Variants in MARCHF2 observed in about 807,000 individuals in gnomAD.
MARCHF2 encodes E3 ubiquitin-protein ligase MARCHF2.
MARCHF2 carries 22 observed loss-of-function variants against 24.0 expected under a neutral mutation model. That is an observed-to-expected ratio of 0.92 (90% CI 0.66 to 1.31). The LOEUF (loss-of-function observed/expected upper bound fraction) is 1.31, where lower values mean the gene tolerates loss of function less well. Ranked by LOEUF, MARCHF2 falls within the 50% of genes most tolerant of loss-of-function variation. The pLI, the probability that MARCHF2 is intolerant of heterozygous loss-of-function variation, is 0.00. For synonymous variants in MARCHF2, 154 were observed against 153.0 expected, an observed-to-expected ratio of 1.01 and a Z score of -0.05; for missense variants, 301 against 335.3, an observed-to-expected ratio of 0.90 and a Z score of 0.80.
chr19:8,431,531 AAAAG>A (rs1341471657), intron 4 of MARCHF2, among the ~76,000 whole-genome samples: 2 of 150,818 alleles, frequency 1.3e-5, no homozygotes, highest in Admixed American at 6.6e-5. Context: ...GAAAAAAGAA[AAAAG>A]AAAGAAATTG....
intron 1 of MARCHF2, among the ~76,000 whole-genome samples, chr19:8,416,981 G>A (rs987792483): frequency 3.9e-5 from 6 of 152,132 alleles, no homozygotes; most frequent in African/African-American, 1.4e-4. Context: ...GCTTGGCATA[G>A]TGTCTGGTTC....
At chr19:8,436,477 A>G (rs1188997769) in intron 4 of MARCHF2, among the ~76,000 whole-genome samples, 1 of 151,716 alleles carries the variant, frequency 6.6e-6, no homozygotes, top group African/African-American at 2.4e-5. Context: ...CGTTGCCCTA[A>G]AAGTCCTCTG....
At chr19:8,431,002 C>A in intron 4 of MARCHF2, 135 bp downstream of exon 4, 2 of 824,440 alleles carry the variant, frequency 2.4e-6, no homozygotes, top group Non-Finnish European at 3.7e-6. Context: ...TGGAAGAGAG[C>A]TTCTGAGGTC....
At chr19:8,414,966 C>G (rs1353148564) in intron 1 of MARCHF2, among the ~76,000 whole-genome samples, 3 of 152,322 alleles carry the variant, frequency 2.0e-5, no homozygotes, top group Middle Eastern at 3.4e-3. Flanking sequence ...GAACCACTCC[C>G]TGGACTGTTT....
chr19:8,432,713 C>G (rs1361798767), intron 4 of MARCHF2, among the ~76,000 whole-genome samples: 3 of 151,944 alleles, frequency 2.0e-5, no homozygotes, highest in African/African-American at 7.3e-5. Flanking sequence ...ATCACTTGAG[C>G]CCAAGAATTT....
In MARCHF2 at chr19:8,430,576, T is replaced by A. The variant is rs764429730; in HGVS notation, c.373-82T>A. 301 of 1,083,166 alleles carry A rather than the reference T, an allele frequency of 2.8e-4. No individual in the cohort carries two copies. The highest frequency in any genetic ancestry group is 3.9e-4 in the Non-Finnish European group (282 of 727,166). 67.1% of individuals were successfully genotyped at this position (1,083,166 alleles called of 1,614,324 possible). ...AAGAAGGAAAGGACAGAGGGAGGCCTAGGCCTGGAGGTCCTTACCCCTCCC... is the reference window on the plus strand; with the variant it reads ...AAGAAGGAAAGGACAGAGGGAGGCCAAGGCCTGGAGGTCCTTACCCCTCCC... On this transcript the variant is annotated intron_variant, in intron 3 of 4. Transcript: ENST00000215555. The surrounding 1 kb of genome is among the most constrained non-coding windows in gnomAD (Gnocchi z 4.4).
intron 4 of MARCHF2, among the ~76,000 whole-genome samples, chr19:8,435,143 C>T (rs1967681410): frequency 6.6e-6 from 1 of 151,428 alleles, no homozygotes; most frequent in Non-Finnish European, 1.5e-5. Context: ...CTCAGCCTCC[C>T]GAGTAGCTGG....
rs572642432 is a variant in MARCHF2 at position 8,438,062 on chromosome 19, G to A, written c.583-326G>A. Among the ~76,000 whole-genome samples the A allele has an allele frequency of 1.3e-4, 20 of 152,196 alleles. No homozygotes were observed. In the South Asian group the frequency reaches 3.3e-3, roughly 25 times the overall value. ...ATTACAGGTGTGAGCCACCTCGCCC[G>A]GCCTGATTGATTGACATTTAATGCC... On this transcript the variant is annotated intron_variant, in intron 4 of 4. Coordinates refer to ENST00000215555, the MANE Select transcript of MARCHF2 (RefSeq NM_001005415.2).
chr19:8,433,675 C>CAAAAAAAAA (rs143853447), intron 4 of MARCHF2, among the ~76,000 whole-genome samples: 1 of 90,694 alleles, frequency 1.1e-5, no homozygotes, highest in Non-Finnish European at 2.2e-5. Flanking sequence ...GACTCCGTCT[C>CAAAAAAAAA]AAAAAAAAAA....
At chr19:8,431,497 C>CAAAAAAAAAAAAAAAAAAAAA (rs60782968) in intron 4 of MARCHF2, among the ~76,000 whole-genome samples, 1 of 57,496 alleles carries the variant, frequency 1.7e-5, no homozygotes, top group Non-Finnish European at 3.0e-5. Context: ...AACTCGATCT[C>CAAAAAAAAAAAAAAAAAAAAA]AAAAAAAAAA....
At chr19:8,426,854 A>G (rs781218049) in intron 3 of MARCHF2, 50 bp downstream of exon 3, 224 of 1,557,522 alleles carry the variant, frequency 1.4e-4, no homozygotes, top group Admixed American at 1.9e-4. Context: ...GAGGGCAGAC[A>G]TGGGGGCCAA....
intron 1 of MARCHF2, among the ~76,000 whole-genome samples, chr19:8,417,593 A>G (rs1158102296): frequency 1.3e-5 from 2 of 152,100 alleles, no homozygotes; most frequent in South Asian, 4.2e-4. Flanking sequence ...GCCCGCCACC[A>G]TGCCCAAGTA....
intron 4 of MARCHF2, among the ~76,000 whole-genome samples, chr19:8,436,982 G>A (rs942343630): frequency 4.8e-5 from 7 of 146,260 alleles, no homozygotes; most frequent in South Asian, 2.3e-4. Flanking sequence ...GAGCCACTGC[G>A]CCCAGCATTT....
intron 4 of MARCHF2, among the ~76,000 whole-genome samples, chr19:8,432,136 C>T (rs1405290130): frequency 5.3e-5 from 8 of 151,550 alleles, no homozygotes; most frequent in Non-Finnish European, 8.8e-5. Context: ...CCAGCCTGGG[C>T]GACAGAGTGA....
At chr19:8,437,788 A>G (rs933741119) in intron 4 of MARCHF2, among the ~76,000 whole-genome samples, 1 of 151,036 alleles carries the variant, frequency 6.6e-6, no homozygotes, top group Non-Finnish European at 1.5e-5. Flanking sequence ...TCTGTCGCCC[A>G]GGCTGGAGTG....
At chr19:8,436,517 T>C (rs1409588293) in intron 4 of MARCHF2, among the ~76,000 whole-genome samples, 1 of 151,972 alleles carries the variant, frequency 6.6e-6, no homozygotes, top group African/African-American at 2.4e-5. Flanking sequence ...ACCCTCCTTT[T>C]CCCCAAGCCC....
intron 1 of MARCHF2, among the ~76,000 whole-genome samples, chr19:8,416,320 G>A (rs1219577797): frequency 3.5e-4 from 49 of 138,658 alleles, no homozygotes; most frequent in African/African-American, 1.1e-3. Flanking sequence ...CAGCCTGGGC[G>A]ACAGAGCGAG....
chr19:8,415,755 A>AAAAAAAAAAAAAAAG (rs1967071398), intron 1 of MARCHF2, among the ~76,000 whole-genome samples: 1 of 120,518 alleles, frequency 8.3e-6, no homozygotes, highest in Non-Finnish European at 1.9e-5. Flanking sequence ...AAAAAAAAAA[A>AAAAAAAAAAAAAAAG]CCAGACAAAA....
At position 8,438,720 on chromosome 19, in the gene MARCHF2, A is replaced by C; in HGVS notation, c.*174A>C. On this transcript the variant is annotated 3_prime_UTR_variant, in exon 5 of 5. Transcript: ENST00000215555. ...CTAGTCTGTGATCCTGTGTGAAGAT[A>C]TTTTCAGGGTTTTTTTTTTTTTTTT... 1.9e-6 allele frequency: 1 copy of C among 527,282 alleles called. No homozygotes were observed. The highest frequency in any genetic ancestry group is 3.2e-6 in the Non-Finnish European group (1 of 312,974). The allele number at this position is 527,282 out of a possible 1,614,324, so 32.7% of individuals were successfully genotyped here.
Sources: gnomAD v4.1 joint callset for allele counts (sites outside exome capture counted in the v4.1 genomes callset) on GRCh38, gnomAD v4.1.1 for gene constraint, Gnocchi (gnomAD v3.1) non-coding constraint, MANE v1.5 for transcripts, NCBI Gene and HGNC (gene_info 2026-07-23, HGNC 2026-07-21) for gene names.